Variants in SUCLG2 observed in about 807,000 individuals in gnomAD.
SUCLG2 encodes succinate--CoA ligase [GDP-forming] subunit beta, mitochondrial.
Under a neutral mutation model 47.9 loss-of-function variants are expected in SUCLG2, and 42 were observed. The ratio of observed to expected loss-of-function variants is 0.88; its 90% confidence interval spans 0.69 to 1.14. SUCLG2 has a LOEUF of 1.14. SUCLG2 is among the 50% of genes most tolerant of loss of function. SUCLG2 has a pLI of 0.00. For missense variants in SUCLG2, 571 were observed against 525.9 expected, an observed-to-expected ratio of 1.09 and a Z score of -0.84; for synonymous variants, 195 against 197.3, an observed-to-expected ratio of 0.99 and a Z score of 0.10.
chr3:67,524,512 G>T (rs1442633226), intron 4 of SUCLG2, among the ~76,000 whole-genome samples: 1 of 152,144 alleles, frequency 6.6e-6, no homozygotes, highest in African/African-American at 2.4e-5. Flanking sequence ...TGTCTCACAG[G>T]CCCTAGTACT....
intron 2 of SUCLG2, among the ~76,000 whole-genome samples, chr3:67,583,507 G>A (rs4856878): frequency 0.46 from 69,804 of 152,074 alleles, 17,014 homozygotes; most frequent in Admixed American, 0.55. Context: ...TGCTGTCGTG[G>A]CAGATTATTA....
intron 2 of SUCLG2, among the ~76,000 whole-genome samples, chr3:67,607,427 C>T (rs1235730852): frequency 1.3e-5 from 2 of 151,870 alleles, no homozygotes; most frequent in African/African-American, 4.8e-5. Flanking sequence ...ATTAATTTCA[C>T]CCTTTTTTTC....
rs946530584 is a variant in SUCLG2 at position 67,362,940 on chromosome 3, G to A, written c.1184-2172C>T. Among the ~76,000 whole-genome samples the A allele has an allele frequency of 2.6e-5, 4 of 152,246 alleles. No homozygotes were observed. The East Asian group carries it at 5.8e-4, about 22-fold the overall frequency. ...TGTAATTTATGCTCTAGAGCTCCCC[G>A]TGAGATGGGGCCTAGGCTTGACTTC... is the stretch of plus-strand genomic sequence containing the variant. On this transcript the variant is annotated intron_variant, in intron 10 of 10. Transcript: ENST00000493112.
intron 2 of SUCLG2, among the ~76,000 whole-genome samples, chr3:67,592,718 C>CAAAAAAAAAAAAAAAAAAAAAAAA (rs754866312): frequency 2.5e-5 from 2 of 80,264 alleles, no homozygotes; most frequent in African/African-American, 1.2e-4. Context: ...TCACATCCTC[C>CAAAAAAAAAAAAAAAAAAAAAAAA]AAAAAAAAAA....
intron 9 of SUCLG2, among the ~76,000 whole-genome samples, chr3:67,422,501 A>AAAAAAAAAAAAAAAG (rs1703189796): frequency 2.1e-5 from 3 of 146,136 alleles, no homozygotes; most frequent in Non-Finnish European, 4.6e-5. Flanking sequence ...AAAAAAAAAA[A>AAAAAAAAAAAAAAAG]AAGAACATTC....
chr3:67,420,963 A>G (rs1347421887), intron 9 of SUCLG2, among the ~76,000 whole-genome samples: 1 of 152,180 alleles, frequency 6.6e-6, no homozygotes, highest in Non-Finnish European at 1.5e-5. Context: ...TAAACATGTA[A>G]TATCTAAGAA....
chr3:67,474,954 C>T (rs996235770), intron 9 of SUCLG2, among the ~76,000 whole-genome samples: 5 of 151,748 alleles, frequency 3.3e-5, no homozygotes, highest in Non-Finnish European at 5.9e-5. Context: ...CTCATGATGC[C>T]AACAAGGTGT....
rs187232034 is a variant in SUCLG2 at position 67,543,836 on chromosome 3, G to A, written c.227-14650C>T. Among the ~76,000 whole-genome samples, 6 of 133,538 alleles carry A rather than the reference G, an allele frequency of 4.5e-5. No individual in the cohort carries two copies. The East Asian group carries it at 1.3e-3, about 28-fold the overall frequency. The allele number at this position is 133,538 out of a possible 152,430, so 87.6% of individuals were successfully genotyped here. ...TTTAAAAGCTGTGAATTAAATGTGGGCAGTTAATTCATAGTAGTTTGTCTT... is the reference window on the plus strand; with the variant it reads ...TTTAAAAGCTGTGAATTAAATGTGGACAGTTAATTCATAGTAGTTTGTCTT... On this transcript the variant is annotated intron_variant, in intron 2 of 10. Coordinates refer to ENST00000307227, the MANE Select transcript of SUCLG2 (RefSeq NM_003848.4).
intron 9 of SUCLG2, among the ~76,000 whole-genome samples, chr3:67,485,266 A>G (rs1295717502): frequency 3.3e-5 from 5 of 152,168 alleles, no homozygotes; most frequent in Non-Finnish European, 7.4e-5. Context: ...CTTGGTCCTG[A>G]ATTATGTTAA....
intron 9 of SUCLG2, among the ~76,000 whole-genome samples, chr3:67,429,664 A>G (rs1047704329): frequency 6.6e-6 from 1 of 152,234 alleles, no homozygotes; most frequent in African/African-American, 2.4e-5. Flanking sequence ...CAAATTGGAC[A>G]AAGAGTCAAG....
At chr3:67,607,945 T>C (rs1373719879) in intron 2 of SUCLG2, among the ~76,000 whole-genome samples, 2 of 152,212 alleles carry the variant, frequency 1.3e-5, no homozygotes, top group Non-Finnish European at 2.9e-5. Flanking sequence ...ATCTCTTTCC[T>C]TTATAAATCA....
At chr3:67,544,119 G>A (rs1374857428) in intron 2 of SUCLG2, among the ~76,000 whole-genome samples, 2 of 152,128 alleles carry the variant, frequency 1.3e-5, no homozygotes, top group East Asian at 1.9e-4. Flanking sequence ...ATTGCCTTTT[G>A]TAAACTTAAA....
chr3:67,372,226 G>A (rs1701965281), downstream of SUCLG2, among the ~76,000 whole-genome samples: 1 of 152,168 alleles, frequency 6.6e-6, no homozygotes, highest in Admixed American at 6.5e-5. Flanking sequence ...CTGGACAATA[G>A]AAGAAATGAT....
At position 67,471,724 on chromosome 3, in the gene SUCLG2, C is replaced by A. The variant is rs140251910; in HGVS notation, c.1062+24074G>T. ...AACCTTGGTCTGTGTTACCCCTCAG[C>A]CAGGTCCTGAGGGTAGCAGAGAACG... On this transcript the variant is annotated intron_variant, in intron 9 of 10. Coordinates refer to ENST00000307227, the MANE Select transcript of SUCLG2 (RefSeq NM_003848.4). Among the ~76,000 whole-genome samples the A allele has an allele frequency of 4.4e-3, 676 of 152,244 alleles. 11 individuals carry two copies. The East Asian group carries it at 0.058, about 13-fold the overall frequency.
rs953685036 is a variant in SUCLG2 at position 67,578,612 on chromosome 3, G to A, written c.226+30843C>T. Among the ~76,000 whole-genome samples the A allele has an allele frequency of 4.6e-5, 7 of 152,226 alleles. No individual in the cohort carries two copies. The South Asian group carries it at 1.2e-3, about 27-fold the overall frequency. On this transcript the variant is annotated intron_variant, in intron 2 of 10. Transcript: ENST00000307227. ...AATGGGATGTTGCCTAGGTGACCAC[G>A]GCTGAACCGGAGATCACAGCTTTCC...
At chr3:67,449,863 A>C (rs1178294675) in intron 9 of SUCLG2, among the ~76,000 whole-genome samples, 1 of 152,124 alleles carries the variant, frequency 6.6e-6, no homozygotes, top group Non-Finnish European at 1.5e-5. Flanking sequence ...ATCCACCTGC[A>C]TGGCCTCCAA....
At chr3:67,374,374 A>G (rs1424487669), downstream of SUCLG2, among the ~76,000 whole-genome samples, 2 of 152,222 alleles carry the variant, frequency 1.3e-5, no homozygotes, top group East Asian at 3.8e-4. Context: ...CTACATATTT[A>G]TACACTGAAA....
chr3:67,370,639 T>C (rs1032062820), downstream of SUCLG2, among the ~76,000 whole-genome samples: 1 of 152,162 alleles, frequency 6.6e-6, no homozygotes, highest in Non-Finnish European at 1.5e-5. Context: ...TATATCCTTA[T>C]GGAAAGGTTT....
chr3:67,535,507 C>T (rs1180610272), intron 2 of SUCLG2, among the ~76,000 whole-genome samples: 2 of 152,120 alleles, frequency 1.3e-5, no homozygotes, highest in Middle Eastern at 3.2e-3. Flanking sequence ...TGTTGGAGGA[C>T]AGGCCTAATG....
Sources: allele counts gnomAD v4.1 joint callset (sites outside exome capture counted in the v4.1 genomes callset), GRCh38; gene constraint gnomAD v4.1.1; transcripts MANE v1.5; gene names NCBI Gene and HGNC (gene_info 2026-07-23, HGNC 2026-07-21).